The following CSMD3 variants were observed in gnomAD, a reference collection of about 807,000 sequenced individuals.
The protein encoded by CSMD3 is CUB and sushi domain-containing protein 3.
In CSMD3, 177 loss-of-function variants were observed where a neutral mutation model predicts 435.2. The ratio of observed to expected loss-of-function variants is 0.41; its 90% confidence interval spans 0.36 to 0.46. The LOEUF (loss-of-function observed/expected upper bound fraction) is 0.46, where lower values mean the gene tolerates loss of function less well. CSMD3 is among the 20% of genes least tolerant of loss of function. CSMD3 has a pLI of 0.34. For missense variants in CSMD3, 4,265 were observed against 4,504.6 expected (o/e 0.95, Z 1.52); for synonymous variants, 1,656 against 1,520.5 (o/e 1.09, Z -2.07).
chr8:112,745,352 C>T (rs1168012806), intron 13 of CSMD3, among the ~76,000 whole-genome samples: 1 of 151,842 alleles, frequency 6.6e-6, no homozygotes, highest in African/African-American at 2.4e-5. Flanking sequence ...ATAGTTTCTA[C>T]TATATATCAT....
intron 1 of CSMD3, among the ~76,000 whole-genome samples, chr8:113,424,781 C>T (rs945262298): frequency 2.0e-5 from 3 of 151,222 alleles, no homozygotes; most frequent in African/African-American, 7.3e-5. Flanking sequence ...GGTTAAATTG[C>T]AAAAATGATG....
intron 48 of CSMD3, 149 bp downstream of exon 48, chr8:112,314,280 T>C: frequency 1.5e-6 from 1 of 680,476 alleles, no homozygotes; most frequent in Non-Finnish European, 2.5e-6. Context: ...AATTTTCATA[T>C]GGTATAGGAG....
chr8:113,126,146 A>G (rs1231787737), intron 4 of CSMD3, among the ~76,000 whole-genome samples: 1 of 151,934 alleles, frequency 6.6e-6, no homozygotes, highest in African/African-American at 2.4e-5. Flanking sequence ...CACTTATTTC[A>G]TTTCATCCTC....
chr8:113,094,993 C>A (rs758787438), intron 5 of CSMD3, among the ~76,000 whole-genome samples: 7 of 151,968 alleles, frequency 4.6e-5, no homozygotes, highest in African/African-American at 1.7e-4. Context: ...ATCACTCAAA[C>A]CCTGCAAGCA....
chr8:113,299,874 T>C (rs1269838158), intron 2 of CSMD3, among the ~76,000 whole-genome samples: 1 of 151,882 alleles, frequency 6.6e-6, no homozygotes, highest in Admixed American at 6.6e-5. Flanking sequence ...ATGCCTGTAT[T>C]CCCAGCTATT....
intron 1 of CSMD3, among the ~76,000 whole-genome samples, chr8:113,378,965 G>T (rs961316589): frequency 1.3e-5 from 2 of 152,152 alleles, no homozygotes; most frequent in Non-Finnish European, 2.9e-5. Flanking sequence ...GAGGTAGAAA[G>T]GGATCATGAA....
Position 112,295,865 on chromosome 8 carries a change from T to A in CSMD3, c.8582A>T (p.His2861Leu), listed in dbSNP as rs2130714210. 1 of 1,614,040 alleles carries A rather than the reference T, an allele frequency of 6.2e-7. No individual in the cohort carries two copies. Among genetic ancestry groups the A allele is most frequent in the Non-Finnish European group, 8.5e-7 (1 of 1,179,986 alleles). Residue 2861 changes from histidine (H) to leucine (L), a missense_variant, in exon 54 of 71, where the codon CAC (histidine) becomes CTC (leucine). His to Leu is a moderately conservative substitution (Grantham distance 99). Coordinates refer to ENST00000297405, the MANE Select transcript of CSMD3 (RefSeq NM_198123.2). ...GSSVRICQQD[H>L]NWSGQLPSCV... is the part of the protein sequence containing the mutation. ...GGATGGGAGCTGACCAGACCAATTGTGATCCTGTTGACATATCCTCACTGA... is the reference window on the plus strand; with the variant it reads ...GGATGGGAGCTGACCAGACCAATTGAGATCCTGTTGACATATCCTCACTGA...
intron 9 of CSMD3, among the ~76,000 whole-genome samples, chr8:112,942,135 G>C (rs1257311550): frequency 1.3e-5 from 2 of 149,650 alleles, no homozygotes. Flanking sequence ...CTGACAACCA[G>C]TGTTTTTTTT....
intron 53 of CSMD3, 33 bp from the exon 54 acceptor site, chr8:112,296,039 C>T (rs2130717515): frequency 1.3e-6 from 2 of 1,534,984 alleles, no homozygotes; most frequent in Non-Finnish European, 1.8e-6. Flanking sequence ...ATTTTTAATA[C>T]TGTGATTTGT....
At chr8:112,400,787 T>A (rs2129915434) in intron 35 of CSMD3, among the ~76,000 whole-genome samples, 1 of 152,336 alleles carries the variant, frequency 6.6e-6, no homozygotes, top group South Asian at 2.1e-4. Context: ...TATAGATTTT[T>A]ATTTTTGATG....
intron 3 of CSMD3, among the ~76,000 whole-genome samples, chr8:113,185,718 G>GGTGT (rs144207386): frequency 6.6e-6 from 1 of 151,740 alleles, no homozygotes; most frequent in East Asian, 1.9e-4. Flanking sequence ...TGTATATTTT[G>GGTGT]GTGTGTGTGT....
intron 31 of CSMD3, among the ~76,000 whole-genome samples, chr8:112,480,986 A>G (rs1378342566): frequency 2.0e-5 from 3 of 152,180 alleles, no homozygotes; most frequent in African/African-American, 4.8e-5. Context: ...TTTGATTTGT[A>G]TAAGTAAAAT....
intron 3 of CSMD3, among the ~76,000 whole-genome samples, chr8:113,191,651 G>A (rs1234124439): frequency 1.3e-5 from 2 of 151,290 alleles, no homozygotes; most frequent in African/African-American, 2.4e-5. Context: ...TTCTTTATCC[G>A]GTCTGGTGTT....
intron 5 of CSMD3, among the ~76,000 whole-genome samples, chr8:113,091,134 T>C (rs141349006): frequency 2.8e-4 from 42 of 152,144 alleles, no homozygotes; most frequent in South Asian, 8.3e-4. Context: ...AAAAAAAATA[T>C]GCCAAGCATT....
At chr8:113,093,886 C>T (rs889846300) in intron 5 of CSMD3, among the ~76,000 whole-genome samples, 1 of 152,040 alleles carries the variant, frequency 6.6e-6, no homozygotes, top group African/African-American at 2.4e-5. Flanking sequence ...AACCTGCATG[C>T]CATGTTTTCA....
rs1218761887 is a variant in CSMD3 at position 112,494,564 on chromosome 8, TTTCTTTC to T, written c.5084-1888_5084-1882del. Among the ~76,000 whole-genome samples the T allele has an allele frequency of 8.7e-4, 119 of 136,538 alleles. 1 individual carries two copies. Among genetic ancestry groups the T allele is most frequent in the African/African-American group, 3.1e-3 (110 of 35,848 alleles). 89.6% of individuals were successfully genotyped at this position (136,538 alleles called of 152,430 possible). On this transcript the variant is annotated intron_variant, in intron 30 of 70. Transcript: ENST00000297405. ...CTTTCTTTCTTTCTTTCTTTCTTTC[TTTCTTTC>T]TTTTCTTTCTTTCTCTCTACAAGTA...
chr8:112,411,455 T>C (rs1217550478), intron 32 of CSMD3, among the ~76,000 whole-genome samples: 1 of 151,946 alleles, frequency 6.6e-6, no homozygotes, highest in African/African-American at 2.4e-5. Context: ...TGCATTAATA[T>C]GGGCAATTGA....
chr8:113,271,700 C>T (rs2093528638), intron 3 of CSMD3, among the ~76,000 whole-genome samples: 2 of 152,084 alleles, frequency 1.3e-5, no homozygotes, highest in South Asian at 4.2e-4. Context: ...GGATTGGAGC[C>T]CTCACACAGA....
intron 10 of CSMD3, among the ~76,000 whole-genome samples, chr8:112,883,623 C>T (rs2081508812): frequency 6.6e-6 from 1 of 151,870 alleles, no homozygotes; most frequent in African/African-American, 2.4e-5. Flanking sequence ...ATTCTCTTAA[C>T]CCAGTTCCCT....
Sources: gnomAD v4.1 joint callset for allele counts (sites outside exome capture counted in the v4.1 genomes callset) on GRCh38, gnomAD v4.1.1 for gene constraint, MANE v1.5 for transcripts, NCBI Gene and HGNC (gene_info 2026-07-23, HGNC 2026-07-21) for gene names.